Variants in PRKCI observed in about 807,000 individuals in gnomAD.
PRKCI encodes protein kinase C iota, also known as protein kinase C iota type.
Under a neutral mutation model 84.0 loss-of-function variants are expected in PRKCI, and 43 were observed. The ratio of observed to expected loss-of-function variants is 0.51; its 90% CI spans 0.40 to 0.66. The LOEUF (loss-of-function observed/expected upper bound fraction) is 0.66. PRKCI is among the 30% of genes least tolerant of loss of function. The probability of loss-of-function intolerance (pLI) is 0.00; values close to 1 mark genes in which losing one functional copy is unlikely to be tolerated. For synonymous variants in PRKCI, 216 were observed against 234.4 expected (o/e 0.92, Z 0.72); for missense variants, 459 against 745.6 (o/e 0.62, Z 4.48).
At chr3:170,228,501 G>A (rs1732691739) in intron 1 of PRKCI, among the ~76,000 whole-genome samples, 1 of 151,934 alleles carries the variant, frequency 6.6e-6, no homozygotes, top group Non-Finnish European at 1.5e-5. Flanking sequence ...CCTGAGGCCA[G>A]GAAGTCAAGG....
At chr3:170,262,432 G>A (rs1446579913) in intron 3 of PRKCI, among the ~76,000 whole-genome samples, 1 of 152,172 alleles carries the variant, frequency 6.6e-6, no homozygotes, top group Non-Finnish European at 1.5e-5. Context: ...AACAGGGACT[G>A]GAATTAGTCA....
intron 5 of PRKCI, 118 bp downstream of exon 5, chr3:170,268,118 A>G: frequency 1.4e-6 from 1 of 724,220 alleles, no homozygotes; most frequent in Non-Finnish European, 2.2e-6. Context: ...CATAAGTAGC[A>G]TGACCTTACA....
Position 170,224,632 on chromosome 3 carries a change from G to T in PRKCI, c.101+1862G>T, listed in dbSNP as rs1560163465. On this transcript the variant is annotated intron_variant, in intron 1 of 17. Coordinates refer to ENST00000295797, the MANE Select transcript of PRKCI (RefSeq NM_002740.6). ...TCCGCCTCCCGGGTTCAAGCAATTCGCCTGCCTCAGCCTTCTGAGTAGCTG... is the reference window on the plus strand; with the variant it reads ...TCCGCCTCCCGGGTTCAAGCAATTCTCCTGCCTCAGCCTTCTGAGTAGCTG... Among the ~76,000 whole-genome samples the T allele has an allele frequency of 2.6e-5, 4 of 152,118 alleles. No individual in the cohort carries two copies. The South Asian group carries it at 8.3e-4, about 32-fold the overall frequency.
At chr3:170,234,908 T>C (rs1732929240) in intron 1 of PRKCI, among the ~76,000 whole-genome samples, 1 of 151,666 alleles carries the variant, frequency 6.6e-6, no homozygotes, top group Non-Finnish European at 1.5e-5. Context: ...GTTCCCCCCC[T>C]GAGAAGGATC....
rs767494775 is a variant in PRKCI at position 170,270,435 on chromosome 3, C to T, written c.465C>T (p.Ala155=). Residue 155 remains alanine (A), a synonymous_variant, in exon 6 of 18, where the codon GCC becomes GCT. Coordinates refer to ENST00000295797, the MANE Select transcript of PRKCI (RefSeq NM_002740.6). The part of the protein sequence containing the change: ...AKRFNRRAHC[A]ICTDRIWGLG... ...ACTCTTTTCAGCGTGCTCACTGTGC[C>T]ATCTGCACAGACCGAATATGGGGAC... The T allele has an allele frequency of 2.5e-6, 4 of 1,612,692 alleles. No individual in the cohort carries two copies.
intron 14 of PRKCI, among the ~76,000 whole-genome samples, chr3:170,293,713 C>T (rs1326087162): frequency 2.6e-5 from 4 of 152,084 alleles, no homozygotes; most frequent in East Asian, 1.9e-4. Context: ...AGTGCAGGGG[C>T]GCAATCTCGG....
chr3:170,252,503 T>G (rs1481491130), intron 2 of PRKCI, among the ~76,000 whole-genome samples: 2 of 152,190 alleles, frequency 1.3e-5, no homozygotes, highest in Non-Finnish European at 2.9e-5. Flanking sequence ...CCAATTATAC[T>G]CTTTTAGTTA....
intron 6 of PRKCI, among the ~76,000 whole-genome samples, chr3:170,273,063 C>T (rs1734036861): frequency 6.6e-6 from 1 of 152,120 alleles, no homozygotes; most frequent in Non-Finnish European, 1.5e-5. Flanking sequence ...AATTGGTGGT[C>T]TGAAATTAGT....
chr3:170,269,919 T>C (rs1223425765), intron 5 of PRKCI, among the ~76,000 whole-genome samples: 1 of 151,682 alleles, frequency 6.6e-6, no homozygotes, highest in African/African-American at 2.4e-5. Context: ...GATTGTGCCA[T>C]TGCATTCCAG....
intron 4 of PRKCI, among the ~76,000 whole-genome samples, chr3:170,265,603 C>T (rs1262598270): frequency 6.6e-6 from 1 of 151,356 alleles, no homozygotes; most frequent in African/African-American, 2.4e-5. Flanking sequence ...ATCGAAATAG[C>T]TCTAAACTTT....
In PRKCI at chr3:170,263,367, A is replaced by G. The variant is rs779880858; in HGVS notation, c.314-12A>G. 6.3e-7 allele frequency: 1 copy of G among 1,592,400 alleles called. No homozygotes were observed. Among genetic ancestry groups the G allele is most frequent in the African/African-American group, 1.3e-5 (1 of 74,454 alleles). On this transcript the variant is annotated splice_polypyrimidine_tract_variant and intron_variant, in intron 3 of 17. Coordinates refer to ENST00000295797, the MANE Select transcript of PRKCI (RefSeq NM_002740.6). Reference sequence around the variant, plus strand: ...ATATGCTGTTAACTCATGTTCGTTTATTTTCTTTCAGTGTTCCCTTGTGTA... The same window carrying G: ...ATATGCTGTTAACTCATGTTCGTTTGTTTTCTTTCAGTGTTCCCTTGTGTA...
rs112482352 is a variant in PRKCI at position 170,245,949 on chromosome 3, G to GTTTTTTTTTTTTTTTTTTTTTT, written c.223+10619_223+10620insTTTTTTTTTTTTTTTTTTTTTT. On this transcript the variant is annotated intron_variant, in intron 2 of 17. Coordinates refer to ENST00000295797, the MANE Select transcript of PRKCI (RefSeq NM_002740.6). The stretch of plus-strand genomic sequence containing the variant: ...TTTTTTCCCTGGATGTTATGTCTTT[G>GTTTTTTTTTTTTTTTTTTTTTT]TTTTTTTTTTTTTTTTTTTTTCTGA... Among the ~76,000 whole-genome samples the GTTTTTTTTTTTTTTTTTTTTTT allele has an allele frequency of 1.2e-4, 10 of 82,454 alleles. 1 individual carries two copies. The highest frequency in any genetic ancestry group is 3.9e-4 in the African/African-American group (8 of 20,468). 54.1% of individuals were successfully genotyped at this position (82,454 alleles called of 152,430 possible).
At chr3:170,286,102 T>A (rs28608781) in intron 12 of PRKCI, among the ~76,000 whole-genome samples, 7,083 of 151,750 alleles carry the variant, frequency 0.047, 540 homozygotes, top group African/African-American at 0.16. Flanking sequence ...TTTTTTTGTA[T>A]TTTTAGTAGA....
At chr3:170,236,710 A>G (rs1732985114) in intron 2 of PRKCI, among the ~76,000 whole-genome samples, 1 of 152,026 alleles carries the variant, frequency 6.6e-6, no homozygotes, top group African/African-American at 2.4e-5. Context: ...AAAAGTTTTT[A>G]AAACTTATCT....
chr3:170,259,312 A>C (rs1441599331), intron 2 of PRKCI, among the ~76,000 whole-genome samples: 1 of 150,758 alleles, frequency 6.6e-6, no homozygotes, highest in Non-Finnish European at 1.5e-5. Flanking sequence ...TCGAGGCTGT[A>C]GTGAGCCGTG....
intron 2 of PRKCI, among the ~76,000 whole-genome samples, chr3:170,256,283 CT>C (rs1278555202): frequency 6.6e-6 from 1 of 152,084 alleles, no homozygotes; most frequent in Non-Finnish European, 1.5e-5. Context: ...TTAAATGGCA[CT>C]GAAGCCATTG....
intron 2 of PRKCI, among the ~76,000 whole-genome samples, chr3:170,243,765 TC>T (rs1733195880): frequency 6.6e-6 from 1 of 152,144 alleles, no homozygotes; most frequent in Non-Finnish European, 1.5e-5. Context: ...GGTACTGTAT[TC>T]CAATTAGAAG....
intron 1 of PRKCI, among the ~76,000 whole-genome samples, chr3:170,229,475 C>T (rs1732730798): frequency 6.6e-6 from 1 of 152,138 alleles, no homozygotes; most frequent in African/African-American, 2.4e-5. Context: ...CTAGGCTCAG[C>T]TAATTTTTTT....
At position 170,222,766 on chromosome 3, in the gene PRKCI, C is replaced by A; in HGVS notation, c.97C>A (p.Arg33Ser). ...SHQVRVKAYY[R>S]GDIMITHFEP... ...CCAGGTCCGGGTGAAAGCCTACTAC[C>A]GCGGGTGAGTGTCCTGGGACAGGGC... is the stretch of plus-strand genomic sequence containing the variant. Residue 33 changes from arginine (R) to serine (S), a missense_variant, in exon 1 of 18, where the codon CGC becomes AGC. Coordinates refer to ENST00000295797, the MANE Select transcript of PRKCI (RefSeq NM_002740.6). 2 of 1,556,586 alleles carry A rather than the reference C, an allele frequency of 1.3e-6. No individual in the cohort carries two copies. Among genetic ancestry groups the A allele is most frequent in the Non-Finnish European group, 1.7e-6 (2 of 1,145,506 alleles).
Sources: gnomAD v4.1 joint callset for allele counts (sites outside exome capture counted in the v4.1 genomes callset) on GRCh38, gnomAD v4.1.1 for gene constraint, MANE v1.5 for transcripts, NCBI Gene and HGNC (gene_info 2026-07-23, HGNC 2026-07-21) for gene names.